The following CYTH3 variants were observed in gnomAD, a reference collection of about 807,000 sequenced individuals.
CYTH3 encodes the protein cytohesin-3.
CYTH3 carries 23 observed loss-of-function variants against 55.1 expected under a neutral mutation model. The ratio of observed to expected loss-of-function variants is 0.42; its 90% CI spans 0.30 to 0.59. The LOEUF (loss-of-function observed/expected upper bound fraction) is 0.59, where lower values mean the gene tolerates loss of function less well. Ranked by LOEUF, CYTH3 falls within the 20% of genes least tolerant of loss-of-function variation. The pLI is 0.20. For synonymous variants in CYTH3, 249 were observed against 194.9 expected (o/e 1.28, Z -2.31); for missense variants, 413 against 524.8 (o/e 0.79, Z 2.08).
At chr7:6,201,290 G>A (rs931296862) in intron 1 of CYTH3, among the ~76,000 whole-genome samples, 2 of 152,208 alleles carry the variant, frequency 1.3e-5, no homozygotes, top group South Asian at 2.1e-4. Flanking sequence ...GTGGCATGCC[G>A]CAGCTAGCCA....
intron 1 of CYTH3, among the ~76,000 whole-genome samples, chr7:6,263,085 G>C (rs1430016533): frequency 6.6e-6 from 1 of 152,008 alleles, no homozygotes; most frequent in East Asian, 1.9e-4. Context: ...CCTTCTCCAA[G>C]CTGACAGTAT....
At chr7:6,242,663 G>A (rs890912370) in intron 1 of CYTH3, among the ~76,000 whole-genome samples, 1 of 152,042 alleles carries the variant, frequency 6.6e-6, no homozygotes, top group Non-Finnish European at 1.5e-5. Flanking sequence ...GCGTGAAGAG[G>A]GGCCTTCTTA....
chr7:6,170,704 G>A lies in CYTH3; in HGVS notation c.712-58C>T. Reference sequence around the variant, plus strand: ...GACTCGGAGGAAAATGGCTGGCCGGGCAGAAAGCTCAGCGGGACCAGGGCG... The same window carrying A: ...GACTCGGAGGAAAATGGCTGGCCGGACAGAAAGCTCAGCGGGACCAGGGCG... On this transcript the variant is annotated intron_variant, in intron 8 of 12. Coordinates refer to ENST00000350796, the MANE Select transcript of CYTH3 (RefSeq NM_004227.4). This position sits in a 1 kb window ranked among gnomAD's most constrained non-coding sequence, Gnocchi z 7.8. 4 of 1,583,826 alleles carry A rather than the reference G, an allele frequency of 2.5e-6. No homozygotes were observed. The highest frequency in any genetic ancestry group is 1.1e-5 in the South Asian group (1 of 88,016).
At chr7:6,174,627 A>C (rs937522664) in intron 5 of CYTH3, among the ~76,000 whole-genome samples, 1 of 141,372 alleles carries the variant, frequency 7.1e-6, no homozygotes, top group Non-Finnish European at 1.5e-5. Context: ...GGCCCACTGC[A>C]ACCTCCACCT....
chr7:6,213,152 C>T (rs755849934), intron 1 of CYTH3, among the ~76,000 whole-genome samples: 4 of 152,228 alleles, frequency 2.6e-5, no homozygotes, highest in Non-Finnish European at 4.4e-5. Flanking sequence ...GCACCAAGAA[C>T]CGTGACTAGC....
Position 6,173,652 on chromosome 7 carries a change from C to T in CYTH3, c.449+1G>A. The T allele has an allele frequency of 6.2e-7, 1 of 1,602,444 alleles. No individual in the cohort carries two copies. The highest frequency in any genetic ancestry group is 8.6e-7 in the Non-Finnish European group (1 of 1,169,526). Reference sequence around the variant, plus strand: ...TACACCCAGCAAATGATCATACTTACCTTAAGGCTTGTACAAGGTTGAGAT... The same window carrying T: ...TACACCCAGCAAATGATCATACTTATCTTAAGGCTTGTACAAGGTTGAGAT... On this transcript the variant is annotated splice_donor_variant, in intron 6 of 12. Transcript: ENST00000350796. LOFTEE classifies it high-confidence loss of function.
In CYTH3 at chr7:6,246,759, T is replaced by C. The variant is rs376539100; in HGVS notation, c.34+25715A>G. On this transcript the variant is annotated intron_variant, in intron 1 of 12. Coordinates refer to ENST00000350796, the MANE Select transcript of CYTH3 (RefSeq NM_004227.4). ...GCATTGTTACTGAATAACTGGGATTTTTCTCTTTCCATTACATATCTTCTC... is the reference window on the plus strand; with the variant it reads ...GCATTGTTACTGAATAACTGGGATTCTTCTCTTTCCATTACATATCTTCTC... Among the ~76,000 whole-genome samples the C allele has an allele frequency of 1.4e-4, 21 of 152,106 alleles. No homozygotes were observed. The South Asian group carries it at 3.7e-3, about 27-fold the overall frequency.
At chr7:6,267,491 A>G (rs1018958730) in intron 1 of CYTH3, among the ~76,000 whole-genome samples, 1 of 152,238 alleles carries the variant, frequency 6.6e-6, no homozygotes, top group Non-Finnish European at 1.5e-5. Flanking sequence ...ATAACCTTAC[A>G]TTGCATATCA....
intron 1 of CYTH3, among the ~76,000 whole-genome samples, chr7:6,233,523 G>C (rs1215997771): frequency 1.3e-5 from 2 of 152,002 alleles, no homozygotes; most frequent in Non-Finnish European, 2.9e-5. Flanking sequence ...GGGCGTGGTG[G>C]TGGGCACCTG....
At chr7:6,201,232 G>A (rs1784053002) in intron 1 of CYTH3, among the ~76,000 whole-genome samples, 1 of 152,206 alleles carries the variant, frequency 6.6e-6, no homozygotes, top group Admixed American at 6.5e-5. Flanking sequence ...ACATCCAGGT[G>A]GGTAACAGGG....
chr7:6,190,477 C>CGTTT lies in CYTH3; in HGVS notation c.88_89insAAAC (p.Arg30LysfsTer8). On this transcript the variant is annotated frameshift_variant, in exon 2 of 13. Coordinates refer to ENST00000350796, the MANE Select transcript of CYTH3 (RefSeq NM_004227.4). LOFTEE classifies it high-confidence loss of function. ...AATGTCATCAATAAGTTCCTTTTTT[C>CGTTT]TTCGACGAATGTCTAGAAGTTCTTC... The CGTTT allele has an allele frequency of 9.1e-7, 1 of 1,095,540 alleles. No individual in the cohort carries two copies. The highest frequency in any genetic ancestry group is 5.6e-5 in the East Asian group (1 of 17,720). 67.9% of individuals were successfully genotyped at this position (1,095,540 alleles called of 1,614,324 possible).
At chr7:6,244,555 C>T (rs1391541420) in intron 1 of CYTH3, among the ~76,000 whole-genome samples, 1 of 152,192 alleles carries the variant, frequency 6.6e-6, no homozygotes, top group Non-Finnish European at 1.5e-5. Flanking sequence ...GCCTCAACCA[C>T]CTGGACTCAA....
Position 6,170,814 on chromosome 7 carries a change from G to A in CYTH3, c.711+16C>T, listed in dbSNP as rs751671750. 4.4e-6 allele frequency: 7 copies of A among 1,604,748 alleles called. No individual in the cohort carries two copies. Among genetic ancestry groups the A allele is most frequent in the Admixed American group, 3.4e-5 (2 of 59,100 alleles). ...AGATCCTGCAGACGGCAGCGGCCGC[G>A]GGCCGGGGAGCTCACCCTCAGCAGC... On this transcript the variant is annotated intron_variant, in intron 8 of 12. Coordinates refer to ENST00000350796, the MANE Select transcript of CYTH3 (RefSeq NM_004227.4). This position sits in a 1 kb window ranked among gnomAD's most constrained non-coding sequence, Gnocchi z 7.8.
chr7:6,230,120 G>A (rs1779352673), intron 1 of CYTH3, among the ~76,000 whole-genome samples: 1 of 152,142 alleles, frequency 6.6e-6, no homozygotes, highest in Non-Finnish European at 1.5e-5. Flanking sequence ...GGGCGACAGA[G>A]TGAGACTACA....
Position 6,196,448 on chromosome 7 carries a change from CTTTTT to C in CYTH3, c.35-5922_35-5918del, listed in dbSNP as rs937497224. Reference sequence around the variant, plus strand: ...ACGCATCTGAGGGAGCATCTTTTTTCTTTTTTTCTTTTTTTTTTTTTTTTTTTTGA... The same window carrying C: ...ACGCATCTGAGGGAGCATCTTTTTTCTTCTTTTTTTTTTTTTTTTTTTTGA... On this transcript the variant is annotated intron_variant, in intron 1 of 12. Coordinates refer to ENST00000350796, the MANE Select transcript of CYTH3 (RefSeq NM_004227.4). Among the ~76,000 whole-genome samples the C allele has an allele frequency of 1.8e-3, 240 of 135,268 alleles. 1 individual carries two copies. Among genetic ancestry groups the C allele is most frequent in the African/African-American group, 6.8e-3 (231 of 34,174 alleles). 88.7% of individuals were successfully genotyped at this position (135,268 alleles called of 152,430 possible). A position where few individuals can be genotyped will look rare whatever the true frequency, so the allele number is the denominator to read the frequency against.
At chr7:6,204,856 A>G (rs1784147975) in intron 1 of CYTH3, among the ~76,000 whole-genome samples, 1 of 152,218 alleles carries the variant, frequency 6.6e-6, no homozygotes, top group African/African-American at 2.4e-5. Flanking sequence ...AATCAAGTTA[A>G]AAATCAATTG....
chr7:6,180,267 T>C lies in CYTH3; in HGVS notation c.250-2326A>G, dbSNP rs567447580. Among the ~76,000 whole-genome samples, 462 of 152,338 alleles carry C rather than the reference T, an allele frequency of 3.0e-3. 2 individuals are homozygous for C. Among genetic ancestry groups the C allele is most frequent in the Non-Finnish European group, 3.6e-3 (242 of 68,032 alleles). ...TGGGCATGAGGCTCCCATGCCTTCC[T>C]CTGGATGCTCAAGGCCTGCCCTAAA... On this transcript the variant is annotated intron_variant, in intron 4 of 12. Transcript: ENST00000350796.
intron 1 of CYTH3, among the ~76,000 whole-genome samples, chr7:6,259,805 ATATATAT>A (rs1780289623): frequency 3.9e-5 from 1 of 25,694 alleles, no homozygotes; most frequent in East Asian, 1.6e-3. Flanking sequence ...ATATATATAT[ATATATAT>A]AATATATATA....
chr7:6,179,921 C>CCA (rs746252535), intron 4 of CYTH3, among the ~76,000 whole-genome samples: 5,266 of 141,784 alleles, frequency 0.037, 113 homozygotes, highest in Middle Eastern at 0.06. Context: ...CACACACAAA[C>CCA]CACACACACA....
Sources: allele counts gnomAD v4.1 joint callset (sites outside exome capture counted in the v4.1 genomes callset), GRCh38; gene constraint gnomAD v4.1.1; non-coding constraint Gnocchi (gnomAD v3.1); transcripts MANE v1.5; gene names NCBI Gene and HGNC (gene_info 2026-07-23, HGNC 2026-07-21).